Variants in DLGAP4 observed in about 807,000 individuals in gnomAD.
The protein encoded by DLGAP4 is disks large-associated protein 4.
Under a neutral mutation model 86.9 loss-of-function variants are expected in DLGAP4, and 18 were observed. That is an observed-to-expected ratio of 0.21 (90% CI 0.14 to 0.31). The LOEUF (loss-of-function observed/expected upper bound fraction) is 0.31. Ranked by LOEUF, DLGAP4 falls within the 10% of genes least tolerant of loss-of-function variation. The pLI is 1.00. For synonymous variants in DLGAP4, 548 were observed against 574.3 expected, an observed-to-expected ratio of 0.95 and a Z score of 0.65; for missense variants, 1,085 against 1,362.6, an observed-to-expected ratio of 0.80 and a Z score of 3.21.
chr20:36,418,389 A>G (rs1467255152), intron 2 of DLGAP4, among the ~76,000 whole-genome samples: 1 of 152,218 alleles, frequency 6.6e-6, no homozygotes, highest in South Asian at 2.1e-4. Context: ...CTGGGATTAC[A>G]GGTGTGAGCC....
intron 1 of DLGAP4, among the ~76,000 whole-genome samples, chr20:36,347,278 G>A (rs2147383195): frequency 6.6e-6 from 1 of 152,284 alleles, no homozygotes; most frequent in African/African-American, 2.4e-5. Flanking sequence ...CTAGAGTCAG[G>A]TAATAGGATC....
At chr20:36,342,919 G>A (rs2065398595) in intron 1 of DLGAP4, among the ~76,000 whole-genome samples, 3 of 152,340 alleles carry the variant, frequency 2.0e-5, no homozygotes, top group Non-Finnish European at 2.9e-5. Flanking sequence ...AGGTGAGCTG[G>A]TGGTGGGAGC....
At chr20:36,368,388 T>A (rs561730375) in intron 2 of DLGAP4, among the ~76,000 whole-genome samples, 61 of 152,360 alleles carry the variant, frequency 4.0e-4, no homozygotes, top group African/African-American at 1.3e-3. Flanking sequence ...ATATGTATAA[T>A]ATGCAAATGT....
intron 1 of DLGAP4, among the ~76,000 whole-genome samples, chr20:36,336,574 A>G (rs1371427668): frequency 1.3e-5 from 2 of 152,174 alleles, no homozygotes; most frequent in Admixed American, 1.3e-4. Context: ...TCCATTCCCT[A>G]GGATGATGGC....
chr20:36,424,322 T>C (rs1358595147), intron 2 of DLGAP4, among the ~76,000 whole-genome samples: 1 of 152,262 alleles, frequency 6.6e-6, no homozygotes, highest in Non-Finnish European at 1.5e-5. Context: ...TACCCAAACA[T>C]TGACCAGTTA....
intron 1 of DLGAP4, among the ~76,000 whole-genome samples, chr20:36,358,363 A>G (rs1342154696): frequency 1.3e-5 from 2 of 152,128 alleles, no homozygotes; most frequent in African/African-American, 4.8e-5. Flanking sequence ...TGTGGAACAT[A>G]ATGTATGGCA....
At chr20:36,362,900 TGAA>T (rs1211064088) in intron 1 of DLGAP4, among the ~76,000 whole-genome samples, 10 of 152,148 alleles carry the variant, frequency 6.6e-5, no homozygotes, top group African/African-American at 2.2e-4. Flanking sequence ...AACCACCATA[TGAA>T]GAAGGCTCTA....
chr20:36,352,648 G>C (rs782452609), intron 1 of DLGAP4, among the ~76,000 whole-genome samples: 1 of 152,136 alleles, frequency 6.6e-6, no homozygotes, highest in Non-Finnish European at 1.5e-5. Flanking sequence ...GTTCAGGAGA[G>C]GAAGGGAAGG....
intron 2 of DLGAP4, among the ~76,000 whole-genome samples, chr20:36,371,544 C>T (rs1233817315): frequency 1.3e-5 from 2 of 152,210 alleles, no homozygotes; most frequent in Non-Finnish European, 2.9e-5. Flanking sequence ...GAAAGGATGA[C>T]GTGCATCCAG....
At chr20:36,348,452 CTT>C (rs2030018230) in intron 1 of DLGAP4, among the ~76,000 whole-genome samples, 1 of 151,930 alleles carries the variant, frequency 6.6e-6, no homozygotes, top group South Asian at 2.1e-4. Context: ...GAGTTTCTCT[CTT>C]GTCGCCCATC....
At chr20:36,417,569 C>T (rs1000255164) in intron 2 of DLGAP4, among the ~76,000 whole-genome samples, 3 of 151,716 alleles carry the variant, frequency 2.0e-5, no homozygotes, top group African/African-American at 4.8e-5. Flanking sequence ...TGTTTTGGAG[C>T]GACAGGGTCT....
chr20:36,332,443 G>A (rs2147360971), intron 1 of DLGAP4, among the ~76,000 whole-genome samples: 1 of 152,210 alleles, frequency 6.6e-6, no homozygotes, highest in South Asian at 2.1e-4. Flanking sequence ...AGGTTGGAGT[G>A]CAGTGGCACG....
intron 7 of DLGAP4, among the ~76,000 whole-genome samples, chr20:36,467,064 C>CTCTCTCTCTCTCCCCCTCTCT (rs1555907464): frequency 4.2e-5 from 5 of 118,144 alleles, no homozygotes; most frequent in African/African-American, 2.4e-4. Flanking sequence ...CTCTCTCTCT[C>CTCTCTCTCTCTCCCCCTCTCT]CCCCCCCCTT....
At chr20:36,465,178 C>A in intron 7 of DLGAP4, 1 of 150,924 alleles carries the variant, frequency 6.6e-6, no homozygotes, top group East Asian at 2.0e-4. Flanking sequence ...CCCACCCCCG[C>A]ATGCCCTGTG....
At chr20:36,342,983 C>T (rs1256245763) in intron 1 of DLGAP4, among the ~76,000 whole-genome samples, 3 of 151,964 alleles carry the variant, frequency 2.0e-5, no homozygotes, top group South Asian at 2.1e-4. Flanking sequence ...CAGGAAAGAA[C>T]AAGGAGGGCA....
At chr20:36,461,662 C>CCCCCCCGCCCCG in intron 7 of DLGAP4, 42 of 241,778 alleles carry the variant, frequency 1.7e-4, no homozygotes, top group Middle Eastern at 2.1e-3. Flanking sequence ...GGGGCCGCCC[C>CCCCCCCGCCCCG]GCCCGGCCCG....
At chr20:36,446,634 G>T in intron 6 of DLGAP4, 63 bp from the exon 7 acceptor site, 1 of 1,511,860 alleles carries the variant, frequency 6.6e-7, no homozygotes, top group South Asian at 1.2e-5. Flanking sequence ...CCACCACCAA[G>T]AACCGCTCCC....
intron 1 of DLGAP4, among the ~76,000 whole-genome samples, chr20:36,319,981 G>A (rs191030886): frequency 0.012 from 1,308 of 111,526 alleles, 9 homozygotes; most frequent in Middle Eastern, 0.038. Flanking sequence ...CCACTCCCCC[G>A]GGCCTCCCTC....
chr20:36,433,534 T>C (rs968719047), intron 3 of DLGAP4, among the ~76,000 whole-genome samples: 1 of 152,050 alleles, frequency 6.6e-6, no homozygotes, highest in Non-Finnish European at 1.5e-5. Context: ...TGGGTGGAAA[T>C]TACAGGAAGC....
Sources: gnomAD v4.1 joint callset for allele counts (sites outside exome capture counted in the v4.1 genomes callset) on GRCh38, gnomAD v4.1.1 for gene constraint, MANE v1.5 for transcripts, NCBI Gene and HGNC (gene_info 2026-07-23, HGNC 2026-07-21) for gene names.